The following FGF14 variants were observed in gnomAD, a reference collection of about 807,000 sequenced individuals.
The protein encoded by FGF14 is fibroblast growth factor homologous factor 4.
Under a neutral mutation model 25.5 loss-of-function variants are expected in FGF14, and 5 were observed. That is an observed-to-expected ratio of 0.20 (90% confidence interval 0.10 to 0.41). The LOEUF is 0.41. FGF14 is among the 10% of genes least tolerant of loss of function. FGF14 has a pLI of 1.00. For missense variants in FGF14, 222 were observed against 320.1 expected, an observed-to-expected ratio of 0.69 and a Z score of 2.34; for synonymous variants, 138 against 118.3, an observed-to-expected ratio of 1.17 and a Z score of -1.08.
At chr13:102,021,300 T>A (rs1001144928) in intron 1 of FGF14, among the ~76,000 whole-genome samples, 1 of 152,084 alleles carries the variant, frequency 6.6e-6, no homozygotes. Context: ...TGAAACATTC[T>A]ACTTAGCTCA....
At chr13:102,325,470 AC>A (rs2056394462) in intron 1 of FGF14, among the ~76,000 whole-genome samples, 1 of 152,094 alleles carries the variant, frequency 6.6e-6, no homozygotes, top group South Asian at 2.1e-4. Flanking sequence ...CCTCTTGTGC[AC>A]CCCACTCAGC....
intron 1 of FGF14, among the ~76,000 whole-genome samples, chr13:102,272,492 C>T (rs1262274347): frequency 6.6e-6 from 1 of 152,096 alleles, no homozygotes; most frequent in East Asian, 1.9e-4. Flanking sequence ...AAAGCAGGTG[C>T]AAAGTAAATA....
At chr13:102,155,395 A>G (rs2140527121) in intron 1 of FGF14, among the ~76,000 whole-genome samples, 1 of 152,356 alleles carries the variant, frequency 6.6e-6, no homozygotes, top group East Asian at 1.9e-4. Flanking sequence ...AAACTGAACA[A>G]CCTGCTCTGA....
intron 1 of FGF14, among the ~76,000 whole-genome samples, chr13:101,956,366 G>A (rs571547960): frequency 3.3e-5 from 5 of 152,228 alleles, no homozygotes; most frequent in South Asian, 2.1e-4. Context: ...TTACACTATC[G>A]TATTATAGTG....
chr13:102,012,711 T>C (rs928120391), intron 1 of FGF14, among the ~76,000 whole-genome samples: 2 of 152,122 alleles, frequency 1.3e-5, no homozygotes, highest in African/African-American at 2.4e-5. Context: ...AAAATGAAGA[T>C]GGTAAGAGAA....
At chr13:101,842,585 A>T (rs185129301) in intron 3 of FGF14, among the ~76,000 whole-genome samples, 25 of 151,986 alleles carry the variant, frequency 1.6e-4, no homozygotes, top group South Asian at 2.1e-4. Context: ...TGTTCAAACT[A>T]CTCTGAGAAA....
At chr13:102,343,147 G>A (rs564512598) in intron 1 of FGF14, among the ~76,000 whole-genome samples, 10 of 152,192 alleles carry the variant, frequency 6.6e-5, no homozygotes, top group African/African-American at 1.9e-4. Context: ...GCCTATCCAC[G>A]CAGAGATAAT....
intron 1 of FGF14, among the ~76,000 whole-genome samples, chr13:102,146,334 A>C (rs1334311543): frequency 6.6e-6 from 1 of 152,200 alleles, no homozygotes; most frequent in Non-Finnish European, 1.5e-5. Context: ...ATGAGCAACA[A>C]AGTCACATTC....
At chr13:102,189,539 A>T (rs2140814145) in intron 1 of FGF14, among the ~76,000 whole-genome samples, 1 of 152,326 alleles carries the variant, frequency 6.6e-6, no homozygotes, top group African/African-American at 2.4e-5. Flanking sequence ...AGCACCTTTA[A>T]GTTCAAAGAG....
At chr13:102,332,188 A>G (rs78851803) in intron 1 of FGF14, among the ~76,000 whole-genome samples, 2,806 of 152,238 alleles carry the variant, frequency 0.018, 85 homozygotes, top group African/African-American at 0.063. Context: ...AACTTTTTAA[A>G]GTTTTTTTAA....
intron 1 of FGF14, among the ~76,000 whole-genome samples, chr13:102,165,341 T>C (rs1227506506): frequency 2.6e-5 from 4 of 152,080 alleles, no homozygotes; most frequent in Non-Finnish European, 5.9e-5. Context: ...TTATAAATCA[T>C]GCTGCTATAA....
chr13:101,932,533 CAAA>C (rs60522790), intron 1 of FGF14, among the ~76,000 whole-genome samples: 23 of 79,044 alleles, frequency 2.9e-4, no homozygotes, highest in East Asian at 3.5e-4. Flanking sequence ...GACTCCATGT[CAAA>C]AAAAAAAAAA....
At chr13:101,801,586 G>A (rs930470329) in intron 3 of FGF14, among the ~76,000 whole-genome samples, 2 of 152,180 alleles carry the variant, frequency 1.3e-5, no homozygotes, top group African/African-American at 2.4e-5. Context: ...GTTTTCAGAA[G>A]CTAGTTCTGA....
chr13:101,886,895 C>T (rs910359506), intron 1 of FGF14, among the ~76,000 whole-genome samples: 8 of 152,050 alleles, frequency 5.3e-5, no homozygotes, highest in South Asian at 2.1e-4. Context: ...TCTGAATAGA[C>T]ATTCTTGAAA....
At chr13:102,237,341 G>A (rs983330647) in intron 1 of FGF14, among the ~76,000 whole-genome samples, 8 of 152,156 alleles carry the variant, frequency 5.3e-5, no homozygotes, top group African/African-American at 1.9e-4. Context: ...CACAGAGTAG[G>A]GGATTGAGCC....
At chr13:101,884,042 A>C (rs1459573616) in intron 1 of FGF14, among the ~76,000 whole-genome samples, 1 of 133,136 alleles carries the variant, frequency 7.5e-6, no homozygotes, top group East Asian at 2.3e-4. Context: ...CAGCCTGGGC[A>C]ACAGAGTAAG....
chr13:102,018,531 G>A (rs2040464278), intron 1 of FGF14, among the ~76,000 whole-genome samples: 1 of 152,046 alleles, frequency 6.6e-6, no homozygotes, highest in Admixed American at 6.6e-5. Flanking sequence ...CTGAAAGGTT[G>A]AGTCTTATTC....
At chr13:102,348,252 T>C (rs575513283) in intron 1 of FGF14, among the ~76,000 whole-genome samples, 6 of 152,330 alleles carry the variant, frequency 3.9e-5, no homozygotes, top group African/African-American at 1.2e-4. Flanking sequence ...TTAAGAACTC[T>C]ACATTATTGA....
chr13:101,959,163 A>C (rs1043721140), intron 1 of FGF14, among the ~76,000 whole-genome samples: 2 of 152,110 alleles, frequency 1.3e-5, no homozygotes, highest in Admixed American at 1.3e-4. Flanking sequence ...AGTTCACAAT[A>C]GGGTTAGTGT....
Sources: allele counts gnomAD v4.1 joint callset (sites outside exome capture counted in the v4.1 genomes callset), GRCh38; gene constraint gnomAD v4.1.1; transcripts MANE v1.5; gene names NCBI Gene and HGNC (gene_info 2026-07-23, HGNC 2026-07-21).